AFAP1L2: variants seen among roughly 807,000 people sequenced by gnomAD.
The protein encoded by AFAP1L2 is actin filament-associated protein 1-like 2.
In AFAP1L2, 46 loss-of-function variants were observed where a neutral mutation model predicts 99.3. The observed-to-expected ratio is 0.46, with a 90% CI of 0.37 to 0.59. AFAP1L2 has a LOEUF of 0.59. AFAP1L2 is among the 20% of genes least tolerant of loss of function. The pLI is 0.00. For synonymous variants in AFAP1L2, 397 were observed against 419.1 expected (o/e 0.95, Z 0.64); for missense variants, 959 against 1,034.9 (o/e 0.93, Z 1.01).
At chr10:114,320,108 T>C (rs1246452223) in intron 5 of AFAP1L2, among the ~76,000 whole-genome samples, 4 of 152,160 alleles carry the variant, frequency 2.6e-5, no homozygotes, top group East Asian at 3.8e-4. Flanking sequence ...ATTGTGTTAC[T>C]ATAAACAGGA....
At chr10:114,378,490 C>G (rs1305785156) in intron 1 of AFAP1L2, among the ~76,000 whole-genome samples, 2 of 152,148 alleles carry the variant, frequency 1.3e-5, no homozygotes, top group Non-Finnish European at 2.9e-5. Context: ...CCTCAGAGGC[C>G]AAGAGATTTA....
rs1475694653 is a variant in AFAP1L2 at position 114,295,238 on chromosome 10, TA to T, written c.*803del. ...CAGCAATGAATCTGTAAACACAGAG[TA>T]ATATTTTTCCTACAGTAAAGAGTCA... is the stretch of plus-strand genomic sequence containing the variant. On this transcript the variant is annotated 3_prime_UTR_variant, in exon 19 of 19. Coordinates refer to ENST00000304129, the MANE Select transcript of AFAP1L2 (RefSeq NM_001001936.3). The T allele has an allele frequency of 1.0e-6, 1 of 985,614 alleles. No homozygotes were observed. Among genetic ancestry groups the T allele is most frequent in the East Asian group, 1.1e-4 (1 of 8,832 alleles). The allele number at this position is 985,614 out of a possible 1,614,324, so 61.1% of individuals were successfully genotyped here.
At chr10:114,398,547 A>G (rs184391155) in intron 1 of AFAP1L2, among the ~76,000 whole-genome samples, 1 of 152,392 alleles carries the variant, frequency 6.6e-6, no homozygotes, top group Admixed American at 6.5e-5. Flanking sequence ...CAAAGTCTTT[A>G]CCAATAGCTC....
At chr10:114,396,210 A>G (rs2057700993) in intron 1 of AFAP1L2, among the ~76,000 whole-genome samples, 1 of 152,196 alleles carries the variant, frequency 6.6e-6, no homozygotes, top group Non-Finnish European at 1.5e-5. Context: ...GGCTGTGCTT[A>G]ATAGAGATGC....
chr10:114,313,168 C>T (rs1261514359), intron 7 of AFAP1L2, among the ~76,000 whole-genome samples: 1 of 152,052 alleles, frequency 6.6e-6, no homozygotes, highest in Non-Finnish European at 1.5e-5. Flanking sequence ...AAGGGCTGCT[C>T]TGGCTCTCAC....
chr10:114,398,273 G>A (rs2057915424), intron 1 of AFAP1L2, among the ~76,000 whole-genome samples: 1 of 152,038 alleles, frequency 6.6e-6, no homozygotes, highest in African/African-American at 2.4e-5. Context: ...GGCAGGGCTA[G>A]GATGTAGCTC....
At chr10:114,308,734 A>G (rs2042784012) in intron 8 of AFAP1L2, among the ~76,000 whole-genome samples, 1 of 152,246 alleles carries the variant, frequency 6.6e-6, no homozygotes, top group African/African-American at 2.4e-5. Flanking sequence ...GTGACCCTGT[A>G]GCCAGTGGGC....
chr10:114,307,947 T>TG, intron 9 of AFAP1L2, 38 bp from the exon 10 acceptor site: 2 of 1,589,948 alleles, frequency 1.3e-6, no homozygotes, highest in East Asian at 2.2e-5. Flanking sequence ...GTATTGCACG[T>TG]GGTCCACCCA....
intron 1 of AFAP1L2, among the ~76,000 whole-genome samples, chr10:114,362,415 G>C (rs2052567199): frequency 6.6e-6 from 1 of 152,174 alleles, no homozygotes; most frequent in African/African-American, 2.4e-5. Flanking sequence ...TGGGGTCCTT[G>C]TAAGAGGAAG....
chr10:114,366,422 A>G (rs975651097), intron 1 of AFAP1L2, among the ~76,000 whole-genome samples: 1 of 152,156 alleles, frequency 6.6e-6, no homozygotes, highest in Non-Finnish European at 1.5e-5. Flanking sequence ...CATGTTATTT[A>G]TTTGTGCCCT....
At chr10:114,327,152 TA>T (rs1457032138) in intron 4 of AFAP1L2, among the ~76,000 whole-genome samples, 1 of 76,874 alleles carries the variant, frequency 1.3e-5, no homozygotes, top group Non-Finnish European at 3.2e-5. Flanking sequence ...TATATTTATA[TA>T]TATATATATA....
At position 114,335,628 on chromosome 10, in the gene AFAP1L2, A is replaced by AT. The variant is rs397686268; in HGVS notation, c.146-2334dup. On this transcript the variant is annotated intron_variant, in intron 2 of 18. Transcript: ENST00000304129. Reference sequence around the variant, plus strand: ...ACTCCGTCTCAAAAAAAAAAAAAAAATTCAACTTAAATGTCTACCAATAGG... The same window carrying AT: ...ACTCCGTCTCAAAAAAAAAAAAAAAATTTCAACTTAAATGTCTACCAATAGG... Among the ~76,000 whole-genome samples the AT allele has an allele frequency of 2.1e-3, 324 of 151,596 alleles. 1 individual carries two copies. The highest frequency in any genetic ancestry group is 7.5e-3 in the African/African-American group (310 of 41,270).
chr10:114,301,344 G>A lies in AFAP1L2; in HGVS notation c.1542+10C>T, dbSNP rs373577356. 5.5e-5 allele frequency: 89 copies of A among 1,608,936 alleles called. 1 individual carries two copies. Among genetic ancestry groups the A allele is most frequent in the African/African-American group, 5.3e-5 (4 of 74,960 alleles). The stretch of plus-strand genomic sequence containing the variant: ...GAGAGGCCCAGGCCACTGCCTGGCC[G>A]GGTCCTTACCGCAGCTGTGAGCTCT... On this transcript the variant is annotated intron_variant, in intron 13 of 18. Transcript: ENST00000304129.
chr10:114,337,068 GGGCCTGGGAGGCCGA>G (rs1207176990), intron 2 of AFAP1L2, among the ~76,000 whole-genome samples: 1 of 152,198 alleles, frequency 6.6e-6, no homozygotes, highest in Non-Finnish European at 1.5e-5. Context: ...GGGTAGAGGT[GGGCCTGGGAGGCCGA>G]GGGAAAGAAT....
At chr10:114,353,160 G>A (rs1441377525) in intron 1 of AFAP1L2, among the ~76,000 whole-genome samples, 1 of 152,168 alleles carries the variant, frequency 6.6e-6, no homozygotes. Context: ...GACTCTTCCT[G>A]GAACTACTAG....
chr10:114,300,241 G>C lies in AFAP1L2; in HGVS notation c.1910C>G (p.Pro637Arg). The C allele has an allele frequency of 6.2e-7, 1 of 1,614,200 alleles. No individual in the cohort carries two copies. Among genetic ancestry groups the C allele is most frequent in the Non-Finnish European group, 8.5e-7 (1 of 1,180,034 alleles). ...SCPDAVVATP[P>R]GASPPVKDRL... is the part of the protein sequence containing the mutation. The stretch of plus-strand genomic sequence containing the variant: ...GTCCTTCACAGGTGGGCTGGCACCA[G>C]GTGGGGTGGCCACCACGGCATCCGG... The change falls in exon 15 of 19, where the codon CCT becomes CGT. Residue 637 changes from proline to arginine, a missense_variant. This residue lies in a region of AFAP1L2 where 576 missense variants were observed against 562.1 expected (regional missense o/e 1.02). Transcript: ENST00000304129.
intron 1 of AFAP1L2, among the ~76,000 whole-genome samples, chr10:114,364,433 C>T (rs1272853412): frequency 6.6e-6 from 1 of 152,172 alleles, no homozygotes; most frequent in African/African-American, 2.4e-5. Flanking sequence ...CTGCCTGGTC[C>T]CTGGAGTTTG....
chr10:114,395,798 G>T (rs970252465), intron 1 of AFAP1L2, among the ~76,000 whole-genome samples: 4 of 149,594 alleles, frequency 2.7e-5, no homozygotes, highest in African/African-American at 1.0e-4. Flanking sequence ...CCACTCATAA[G>T]CTCCCAGCTT....
chr10:114,376,749 G>A lies in AFAP1L2; in HGVS notation c.16+27691C>T, dbSNP rs145007867. Among the ~76,000 whole-genome samples the A allele has an allele frequency of 4.8e-4, 73 of 152,284 alleles. No homozygotes were observed. The East Asian group carries it at 5.2e-3, about 11-fold the overall frequency. On this transcript the variant is annotated intron_variant, in intron 1 of 18. Transcript: ENST00000304129. ...TGAACTCGTTACATCCAGAACTGTC[G>A]ACACTCAGTTAAAAACACTCACAAT...
Sources: gnomAD v4.1 joint callset for allele counts (sites outside exome capture counted in the v4.1 genomes callset) on GRCh38, gnomAD v4.1.1 for gene constraint, gnomAD v4.1.1 regional missense constraint, MANE v1.5 for transcripts, NCBI Gene and HGNC (gene_info 2026-07-23, HGNC 2026-07-21) for gene names.